RBFOX3: variants seen among roughly 807,000 people sequenced by gnomAD.
The protein encoded by RBFOX3 is RNA binding protein fox-1 homolog 3.
Under a neutral mutation model 48.7 loss-of-function variants are expected in RBFOX3, and 17 were observed. The ratio of observed to expected loss-of-function variants is 0.35; its 90% CI spans 0.24 to 0.52. The LOEUF (loss-of-function observed/expected upper bound fraction) is 0.52, where lower values mean the gene tolerates loss of function less well. RBFOX3 is among the 20% of genes least tolerant of loss of function. The probability of loss-of-function intolerance (pLI) is 0.94; values close to 1 mark genes in which losing one functional copy is unlikely to be tolerated. For synonymous variants in RBFOX3, 212 were observed against 209.5 expected (o/e 1.01, Z -0.10); for missense variants, 382 against 497.5 (o/e 0.77, Z 2.21).
At position 79,477,373 on chromosome 17, in the gene RBFOX3, G is replaced by T. The variant is rs376340624; in HGVS notation, c.-175+5081C>A. Among the ~76,000 whole-genome samples, 33 of 151,448 alleles carry T rather than the reference G, an allele frequency of 2.2e-4. No individual in the cohort carries two copies. On this transcript the variant is annotated intron_variant, in intron 2 of 14. Coordinates refer to ENST00000693108, the MANE Select transcript of RBFOX3 (RefSeq NM_001350451.2). This position sits in a 1 kb window ranked among gnomAD's most constrained non-coding sequence, Gnocchi z 4.8. ...AGATCGAGATCATCCTGGCTAACAC[G>T]GTGAAACCCCGTCTCTACTAAAAAT...
At chr17:79,510,085 A>G (rs2149834637) in intron 1 of RBFOX3, among the ~76,000 whole-genome samples, 1 of 152,230 alleles carries the variant, frequency 6.6e-6, no homozygotes, top group Non-Finnish European at 1.5e-5. Context: ...GAATGGCCTC[A>G]CGCAACTCTG....
intron 2 of RBFOX3, among the ~76,000 whole-genome samples, chr17:79,377,810 G>A (rs552675064): frequency 7.2e-4 from 110 of 152,300 alleles, no homozygotes; most frequent in Admixed American, 1.6e-3. Context: ...CGCTGCCCTG[G>A]TGGAGGGCAG....
chr17:79,100,148 G>A (rs796477808), intron 9 of RBFOX3: 3 of 152,392 alleles, frequency 2.0e-5, no homozygotes, highest in African/African-American at 7.2e-5. Context: ...TCAGAGATGG[G>A]TCTGTTCTGA....
chr17:79,247,310 A>ATTTTTTTTTTTTTTTTTTTTTTT (rs57539628), intron 3 of RBFOX3, among the ~76,000 whole-genome samples: 1 of 116,570 alleles, frequency 8.6e-6, no homozygotes, highest in Non-Finnish European at 1.7e-5. Flanking sequence ...ACATAATCGT[A>ATTTTTTTTTTTTTTTTTTTTTTT]TTTTTTTTTT....
intron 3 of RBFOX3, among the ~76,000 whole-genome samples, chr17:79,303,024 T>C (rs1432994380): frequency 6.6e-6 from 1 of 152,062 alleles, no homozygotes; most frequent in East Asian, 1.9e-4. Flanking sequence ...GGCAACATAG[T>C]GAGACCTCAT....
intron 3 of RBFOX3, among the ~76,000 whole-genome samples, chr17:79,263,239 C>G (rs950582612): frequency 2.6e-5 from 4 of 152,378 alleles, no homozygotes; most frequent in African/African-American, 9.6e-5. Flanking sequence ...AGGGAGAACA[C>G]AGCAAGGGCA....
chr17:79,498,829 A>G (rs1484548591), intron 1 of RBFOX3, among the ~76,000 whole-genome samples: 3 of 149,526 alleles, frequency 2.0e-5, no homozygotes, highest in Non-Finnish European at 4.4e-5. Context: ...CCATCCACTC[A>G]TGCACCCATC....
intron 3 of RBFOX3, among the ~76,000 whole-genome samples, chr17:79,282,638 C>A (rs1390206284): frequency 6.6e-6 from 1 of 152,238 alleles, no homozygotes; most frequent in Non-Finnish European, 1.5e-5. Context: ...CAGAAGGGGT[C>A]CTGGAGGAGC....
At position 79,418,868 on chromosome 17, in the gene RBFOX3, T is replaced by G. The variant is rs1555720520; in HGVS notation, c.-175+63586A>C. On this transcript the variant is annotated intron_variant, in intron 2 of 14. Transcript: ENST00000693108. The surrounding 1 kb of genome is among the most constrained non-coding windows in gnomAD (Gnocchi z 5.0). ...TTTGAGGAGATGGCACCCTTGTCTG[T>G]GCTAGCTCAGACTGGGTCACCACCC... is the stretch of plus-strand genomic sequence containing the variant. Among the ~76,000 whole-genome samples, 1 of 152,200 alleles carries G rather than the reference T, an allele frequency of 6.6e-6. No homozygotes were observed.
At chr17:79,155,572 C>T (rs917632974) in intron 4 of RBFOX3, among the ~76,000 whole-genome samples, 8 of 152,160 alleles carry the variant, frequency 5.3e-5, no homozygotes, top group East Asian at 3.9e-4. Context: ...TGGTGCAGCC[C>T]GGAGGGCCAC....
intron 2 of RBFOX3, among the ~76,000 whole-genome samples, chr17:79,334,043 A>G (rs1458596636): frequency 2.0e-5 from 3 of 152,092 alleles, no homozygotes; most frequent in East Asian, 3.9e-4. Flanking sequence ...AAATCCAGCA[A>G]TCCATCTCAG....
At chr17:79,356,348 GTTTTTTTTTTTTTTTTTTTTTTTTTT>G (rs58040659) in intron 2 of RBFOX3, among the ~76,000 whole-genome samples, 3 of 47,270 alleles carry the variant, frequency 6.3e-5, no homozygotes, top group African/African-American at 2.4e-4. Flanking sequence ...AAACAGGGAA[GTTTTTTTTTTTTTTTTTTTTTTTTTT>G]TTTTTTTTTT....
At chr17:79,530,241 G>A (rs1459929283) in intron 1 of RBFOX3, among the ~76,000 whole-genome samples, 1 of 152,182 alleles carries the variant, frequency 6.6e-6, no homozygotes, top group Non-Finnish European at 1.5e-5. Context: ...CCAAGCTGGG[G>A]TGAGGCACCT....
At chr17:79,661,294 T>G in the RBFOX3 span, among the ~76,000 whole-genome samples, 1 of 152,220 alleles carries the variant, frequency 6.6e-6, no homozygotes, top group African/African-American at 2.4e-5. Context: ...GTTGAAGATT[T>G]TTTTTAAAAA....
At chr17:79,389,992 CA>C (rs1355990102) in intron 2 of RBFOX3, among the ~76,000 whole-genome samples, 2,625 of 14,140 alleles carry the variant, frequency 0.19, 29 homozygotes, top group Admixed American at 0.33. Context: ...CCGCAGCCTC[CA>C]GGTCTCCGCA....
chr17:79,582,369 C>T (rs1387019766), intron 1 of RBFOX3, among the ~76,000 whole-genome samples: 1 of 152,104 alleles, frequency 6.6e-6, no homozygotes, highest in Non-Finnish European at 1.5e-5. Context: ...AGTGTCTGGC[C>T]CTGGAAAAGT....
In RBFOX3 at chr17:79,131,739, G is replaced by C. The variant is rs143250697; in HGVS notation, c.-33-15991C>G. 2.2e-3 allele frequency among the ~76,000 whole-genome samples: 336 copies of C among 152,310 alleles called. 1 individual carries two copies. The highest frequency in any genetic ancestry group is 7.9e-3 in the African/African-American group (327 of 41,570). On this transcript the variant is annotated intron_variant, in intron 4 of 14. Transcript: ENST00000693108. ...AGATATTGAGGGGTTCAAGGCACAA[G>C]ACCTGGTAGAAACCACTGGCCCAGT...
At chr17:79,229,009 C>G (rs1387553630) in intron 4 of RBFOX3, among the ~76,000 whole-genome samples, 3 of 130,028 alleles carry the variant, frequency 2.3e-5, no homozygotes, top group African/African-American at 9.1e-5. Flanking sequence ...GGGCGGATCA[C>G]TTGAGGTCAG....
At chr17:79,337,392 C>A (rs2081357898) in intron 2 of RBFOX3, among the ~76,000 whole-genome samples, 1 of 152,070 alleles carries the variant, frequency 6.6e-6, no homozygotes, top group Admixed American at 6.5e-5. Context: ...GGCACAAATG[C>A]ACTCTCGTGT....
Sources: gnomAD v4.1 joint callset for allele counts (sites outside exome capture counted in the v4.1 genomes callset) on GRCh38, gnomAD v4.1.1 for gene constraint, Gnocchi (gnomAD v3.1) non-coding constraint, MANE v1.5 for transcripts, NCBI Gene and HGNC (gene_info 2026-07-23, HGNC 2026-07-21) for gene names.